SEPTIN4: variants seen among roughly 807,000 people sequenced by gnomAD.
The protein encoded by SEPTIN4 is septin 4, also known as septin-4.
A neutral mutation model predicts 107.1 loss-of-function variants in SEPTIN4; 52 were observed. That is an observed-to-expected ratio of 0.49 (90% confidence interval 0.39 to 0.61). The LOEUF (loss-of-function observed/expected upper bound fraction) is 0.61. Ranked by LOEUF, SEPTIN4 falls within the 20% of genes least tolerant of loss-of-function variation. SEPTIN4 has a pLI of 0.00. For missense variants in SEPTIN4, 1,048 were observed against 1,243.5 expected, an observed-to-expected ratio of 0.84 and a Z score of 2.36; for synonymous variants, 417 against 467.0, an observed-to-expected ratio of 0.89 and a Z score of 1.38.
Position 58,526,226 on chromosome 17 carries a change from C to T in SEPTIN4, c.1999G>A (p.Val667Met). The change falls in exon 5 of 14, where the codon GTG (valine) becomes ATG (methionine). Residue 667 changes from valine (V) to methionine (M), a missense_variant. Physicochemically the swap from Val to Met is conservative, Grantham distance 21. Around this residue, in one of 2 missense-constraint regions of SEPTIN4, gnomAD observed 787 missense variants for 871.8 expected, o/e 0.90. Coordinates refer to ENST00000672673, the MANE Select transcript of SEPTIN4 (RefSeq NM_001368771.2). ...VKKGFDFTLM[V>M]AGESGLGKST... is the part of the protein sequence containing the mutation. ...AGCCCTGCCCCTTTTTTACCTGCCA[C>T]CATGAGGGTAAAGTCAAAGCCTTTC... is the stretch of plus-strand genomic sequence containing the variant. The T allele has an allele frequency of 6.3e-7, 1 of 1,593,110 alleles. No individual in the cohort carries two copies.
intron 2 of SEPTIN4, 162 bp from the exon 3 acceptor site, chr17:58,540,835 G>A: frequency 1.7e-6 from 1 of 572,810 alleles, no homozygotes; most frequent in Non-Finnish European, 2.7e-6. Context: ...AACAACAGCA[G>A]CTAGTATTTA....
chr17:58,541,427 G>C (rs572913965), intron 2 of SEPTIN4, among the ~76,000 whole-genome samples: 7 of 152,298 alleles, frequency 4.6e-5, no homozygotes, highest in Admixed American at 2.6e-4. Flanking sequence ...ATGGCCTCAA[G>C]GGGGAGGCCC....
intron 3 of SEPTIN4, chr17:58,531,546 T>C (rs1313287545): frequency 1.3e-5 from 2 of 154,298 alleles, no homozygotes; most frequent in Admixed American, 6.5e-5. Flanking sequence ...AAGTTGGTAC[T>C]GGCCCCTGTG....
At chr17:58,537,547 C>T (rs1310146540) in intron 3 of SEPTIN4, among the ~76,000 whole-genome samples, 2 of 152,064 alleles carry the variant, frequency 1.3e-5, no homozygotes, top group Non-Finnish European at 2.9e-5. Flanking sequence ...AAAATCCTCC[C>T]AAGGCCGGGC....
intron 3 of SEPTIN4, chr17:58,531,234 AG>A (rs1440285869): frequency 2.6e-5 from 4 of 152,410 alleles, no homozygotes; most frequent in Admixed American, 1.3e-4. Context: ...TTCCCACTAC[AG>A]GCAGGTGGCA....
chr17:58,539,090 G>A, intron 3 of SEPTIN4: 1 of 1,476,082 alleles, frequency 6.8e-7, no homozygotes, highest in Non-Finnish European at 9.1e-7. Flanking sequence ...AGAGCACCTG[G>A]CCCATCTCCA....
rs2144246166 is a variant in SEPTIN4, at chr17:58,538,015, G to C, written c.1614+2651C>G. On this transcript the variant is annotated intron_variant, in intron 3 of 13. Transcript: ENST00000672673. This position sits in a 1 kb window ranked among gnomAD's most constrained non-coding sequence, Gnocchi z 4.7. ...AGGCTGAGGCAGAAGGATCACTTGAGCCCAGGAATTCGAGATTACAGTGAG... is the reference window on the plus strand; with the variant it reads ...AGGCTGAGGCAGAAGGATCACTTGACCCCAGGAATTCGAGATTACAGTGAG... Among the ~76,000 whole-genome samples, 1 of 152,182 alleles carries C rather than the reference G, an allele frequency of 6.6e-6. No homozygotes were observed. The highest frequency in any genetic ancestry group is 2.1e-4 in the South Asian group (1 of 4,822).
At chr17:58,533,781 A>G (rs1236091915) in intron 3 of SEPTIN4, among the ~76,000 whole-genome samples, 1 of 152,198 alleles carries the variant, frequency 6.6e-6, no homozygotes, top group African/African-American at 2.4e-5. Context: ...TCAAGCTTGG[A>G]CTATACAAAG....
In SEPTIN4 at chr17:58,540,646, C is replaced by A. The variant is rs1567977613; in HGVS notation, c.1614+20G>T. On this transcript the variant is annotated intron_variant, in intron 3 of 13. Transcript: ENST00000672673. ...GTGGGCCCAGGAAGACTGGGAGTAA[C>A]CTCCCAGGGGCATTCTTACCTCCTC... 7 of 1,351,254 alleles carry A rather than the reference C, an allele frequency of 5.2e-6. No homozygotes were observed. The highest frequency in any genetic ancestry group is 6.6e-6 in the Non-Finnish European group (7 of 1,056,580). 83.7% of individuals were successfully genotyped at this position (1,351,254 alleles called of 1,614,324 possible). A position where few individuals can be genotyped will look rare whatever the true frequency, so the allele number is the denominator to read the frequency against.
In SEPTIN4 at chr17:58,521,063, A is replaced by G. The variant is rs1315290207; in HGVS notation, c.2766T>C (p.Tyr922=). ...GGATGCACTGTGCCCGGTAGTTCTC[A>G]TAATGTGTCTCCCGTGTCACATCCT... ...DLKDVTRETH[Y]ENYRAQCIQS... is the part of the protein sequence containing the mutation. The change falls in exon 12 of 14, where the codon TAT becomes TAC. Residue 922 remains tyrosine (Y), a synonymous_variant. Coordinates refer to ENST00000672673, the MANE Select transcript of SEPTIN4 (RefSeq NM_001368771.2). This position sits in a 1 kb window ranked among gnomAD's most constrained non-coding sequence, Gnocchi z 6.4. 1.2e-6 allele frequency: 2 copies of G among 1,614,156 alleles called. No individual in the cohort carries two copies. The highest frequency in any genetic ancestry group is 2.2e-5 in the East Asian group (1 of 44,870).
Position 58,543,158 on chromosome 17 carries a change from T to C in SEPTIN4, c.1029A>G (p.Ser343=), listed in dbSNP as rs747054923. Residue 343 remains serine (S), a synonymous_variant, in exon 1 of 14, where the codon TCA becomes TCG. Transcript: ENST00000672673. The part of the protein sequence containing the change: ...RRVTISPGVQ[S]VEPTHHVTVP... Reference sequence around the variant, plus strand: ...CTGTCACATGGTGAGTTGGCTCTACTGACTGTACCCCTGGGGAGATGGTGA... The same window carrying C: ...CTGTCACATGGTGAGTTGGCTCTACCGACTGTACCCCTGGGGAGATGGTGA... The C allele has an allele frequency of 6.2e-7, 1 of 1,613,524 alleles. No individual in the cohort carries two copies. The highest frequency in any genetic ancestry group is 8.5e-7 in the Non-Finnish European group (1 of 1,179,634).
intron 1 of SEPTIN4, 93 bp downstream of exon 1, chr17:58,542,533 G>A: frequency 4.0e-6 from 6 of 1,483,336 alleles, no homozygotes; most frequent in Non-Finnish European, 5.4e-6. Flanking sequence ...GCAGCCCTTA[G>A]GCCCAGAATG....
chr17:58,531,135 CAGG>C (rs2043421721), intron 3 of SEPTIN4: 1 of 152,300 alleles, frequency 6.6e-6, no homozygotes, highest in African/African-American at 2.4e-5. Context: ...GCAACAATGT[CAGG>C]AGAAGAGATT....
At position 58,538,265 on chromosome 17, in the gene SEPTIN4, A is replaced by T. The variant is rs117838548; in HGVS notation, c.1614+2401T>A. 0.011 allele frequency among the ~76,000 whole-genome samples: 1,742 copies of T among 152,310 alleles called. 14 individuals carry two copies. The highest frequency in any genetic ancestry group is 0.041 in the Middle Eastern group (12 of 294). Reference sequence around the variant, plus strand: ...AAGCCAACAGGAGGCTGATCATCCCATCCCTTCAGGGTCACATGACATGTC... The same window carrying T: ...AAGCCAACAGGAGGCTGATCATCCCTTCCCTTCAGGGTCACATGACATGTC... On this transcript the variant is annotated intron_variant, in intron 3 of 13. Transcript: ENST00000672673. This position sits in a 1 kb window ranked among gnomAD's most constrained non-coding sequence, Gnocchi z 4.7.
chr17:58,539,307 G>T, intron 3 of SEPTIN4: 1 of 689,900 alleles, frequency 1.4e-6, no homozygotes, highest in South Asian at 2.1e-5. Flanking sequence ...CACAGAAAAA[G>T]GGGATGAAGG....
Position 58,544,020 on chromosome 17 carries a change from G to C in SEPTIN4, c.167C>G (p.Ala56Gly), listed in dbSNP as rs553497103. The part of the protein sequence containing the change: ...LNPSHRRSEA[A>G]HPTTPHSASD... Reference sequence around the variant, plus strand: ...TGCTGAATGGGGAGTGGTGGGATGTGCAGCTTCTGATCTTCGGTGGGAAGG... The same window carrying C: ...TGCTGAATGGGGAGTGGTGGGATGTCCAGCTTCTGATCTTCGGTGGGAAGG... The change falls in exon 1 of 14, where the codon GCA becomes GGA. Residue 56 changes from alanine (A) to glycine (G), a missense_variant. Physicochemically the swap from Ala to Gly is moderately conservative, Grantham distance 60. Transcript: ENST00000672673. The C allele has an allele frequency of 3.1e-6, 5 of 1,614,110 alleles. No homozygotes were observed. In the African/African-American group the frequency reaches 5.3e-5, roughly 17 times the overall value.
intron 3 of SEPTIN4, among the ~76,000 whole-genome samples, chr17:58,537,829 CAAA>C (rs34156939): frequency 5.0e-5 from 3 of 60,278 alleles, no homozygotes; most frequent in African/African-American, 6.3e-5. Flanking sequence ...GACTCTGTCT[CAAA>C]AAAAAAAAAA....
chr17:58,541,853 G>A (rs1449371898), intron 2 of SEPTIN4, 69 bp downstream of exon 2: 13 of 1,613,944 alleles, frequency 8.1e-6, no homozygotes, highest in African/African-American at 2.7e-5. Context: ...ATACATAGAT[G>A]CCACTCCTCA....
intron 5 of SEPTIN4, 88 bp downstream of exon 5, chr17:58,526,132 C>T (rs148548662): frequency 0.011 from 16,214 of 1,443,116 alleles, 111 homozygotes; most frequent in Non-Finnish European, 0.012. Flanking sequence ...TTGCTCCCTG[C>T]GACCTATACT....
Sources: allele counts gnomAD v4.1 joint callset (sites outside exome capture counted in the v4.1 genomes callset), GRCh38; gene constraint gnomAD v4.1.1; regional missense constraint gnomAD v4.1.1; non-coding constraint Gnocchi (gnomAD v3.1); transcripts MANE v1.5; gene names NCBI Gene and HGNC (gene_info 2026-07-23, HGNC 2026-07-21).